Variants in FHIT observed in about 807,000 individuals in gnomAD.
FHIT encodes the protein fragile histidine triad diadenosine triphosphatase, also known as bis(5'-adenosyl)-triphosphatase.
In FHIT, 19 loss-of-function variants were observed where a neutral mutation model predicts 17.9. That is an observed-to-expected ratio of 1.06 (90% CI 0.74 to 1.56). The LOEUF is 1.56. FHIT is among the 40% of genes most tolerant of loss of function. FHIT has a pLI of 0.00. For missense variants in FHIT, 248 were observed against 189.2 expected, an observed-to-expected ratio of 1.31 and a Z score of -1.82; for synonymous variants, 81 against 69.7, an observed-to-expected ratio of 1.16 and a Z score of -0.81.
chr3:60,653,518 TGGAGG>T (rs150815680), intron 4 of FHIT, among the ~76,000 whole-genome samples: 111,112 of 151,046 alleles, frequency 0.74, 41,736 homozygotes, highest in East Asian at 0.88. Context: ...GAAACTGGAG[TGGAGG>T]GAATTATCAA....
rs1482360424 is a variant in FHIT, at chr3:61,214,644, C to T, written c.-212-13979G>A. On this transcript the variant is annotated intron_variant, in intron 1 of 9. Transcript: ENST00000492590. ...TCAATAGAAAAAGAGGGAATCCTCC[C>T]TAACTCATTTTATGAGGCCAGCATC... Among the ~76,000 whole-genome samples, 3 of 152,126 alleles carry T rather than the reference C, an allele frequency of 2.0e-5. No individual in the cohort carries two copies. The East Asian group carries it at 5.8e-4, about 29-fold the overall frequency.
chr3:60,657,413 A>G (rs782698941), intron 4 of FHIT, among the ~76,000 whole-genome samples: 1 of 152,176 alleles, frequency 6.6e-6, no homozygotes, highest in Admixed American at 6.5e-5. Context: ...GAGGTTGTCA[A>G]TGCTGCACTA....
chr3:60,889,665 T>C (rs547515945), intron 3 of FHIT, among the ~76,000 whole-genome samples: 4 of 152,260 alleles, frequency 2.6e-5, no homozygotes, highest in East Asian at 1.9e-4. Flanking sequence ...TAGTACCCTA[T>C]AGCTGTATGG....
intron 5 of FHIT, among the ~76,000 whole-genome samples, chr3:60,412,014 G>T (rs560584201): frequency 6.6e-6 from 1 of 152,020 alleles, no homozygotes; most frequent in East Asian, 1.9e-4. Flanking sequence ...GGGGTGGGGG[G>T]AAACATTTTT....
intron 5 of FHIT, among the ~76,000 whole-genome samples, chr3:60,486,393 A>G (rs1378134948): frequency 6.6e-6 from 1 of 152,188 alleles, no homozygotes; most frequent in Non-Finnish European, 1.5e-5. Flanking sequence ...ACTGATCATA[A>G]AAAGTCTGTA....
chr3:60,608,594 C>G (rs1160221940), intron 4 of FHIT, among the ~76,000 whole-genome samples: 3 of 151,530 alleles, frequency 2.0e-5, no homozygotes, highest in Non-Finnish European at 2.9e-5. Context: ...TTTTTCCCAC[C>G]AGGAAAAAAA....
chr3:60,118,156 G>A (rs1705065427), intron 5 of FHIT, among the ~76,000 whole-genome samples: 1 of 152,214 alleles, frequency 6.6e-6, no homozygotes, highest in South Asian at 2.1e-4. Flanking sequence ...GCCCAGGCTG[G>A]AGTGCAGTAG....
At chr3:61,243,937 T>C (rs9858841) in intron 1 of FHIT, 21,489 of 152,188 alleles carry the variant, frequency 0.14, 1,653 homozygotes, top group East Asian at 0.29. Context: ...TTTTCTTTCA[T>C]TCCCAAAGCC....
chr3:61,197,117 T>C (rs1204049031), intron 2 of FHIT, among the ~76,000 whole-genome samples: 1 of 152,166 alleles, frequency 6.6e-6, no homozygotes. Flanking sequence ...CTCAGCCTCC[T>C]AAAACAAGCC....
chr3:60,547,014 C>T (rs1222305018), intron 4 of FHIT, among the ~76,000 whole-genome samples: 1 of 152,004 alleles, frequency 6.6e-6, no homozygotes, highest in East Asian at 1.9e-4. Flanking sequence ...CTAAAAGGGA[C>T]AAAAGCATTA....
chr3:60,791,318 C>T (rs191894660), intron 4 of FHIT, among the ~76,000 whole-genome samples: 2 of 151,980 alleles, frequency 1.3e-5, no homozygotes, highest in Admixed American at 6.6e-5. Context: ...AAGTATCTTG[C>T]TACATAAATC....
At chr3:59,989,680 T>G (rs1464339397) in intron 7 of FHIT, among the ~76,000 whole-genome samples, 1 of 152,060 alleles carries the variant, frequency 6.6e-6, no homozygotes. Context: ...AACATCTGCA[T>G]TGAGTTGGGT....
chr3:60,537,558 CA>C (rs1208372318), intron 4 of FHIT: 2 of 615,002 alleles, frequency 3.3e-6, no homozygotes, highest in African/African-American at 4.0e-5. Flanking sequence ...AAGGAAGGAG[CA>C]AAACGGAGTT....
chr3:60,317,795 T>G (rs2106789447), intron 5 of FHIT, among the ~76,000 whole-genome samples: 1 of 150,454 alleles, frequency 6.6e-6, no homozygotes, highest in African/African-American at 2.4e-5. Context: ...CTTCTTTTTT[T>G]TTTTTTTTAT....
At chr3:60,034,862 C>T (rs1001932836) in intron 5 of FHIT, among the ~76,000 whole-genome samples, 1 of 152,188 alleles carries the variant, frequency 6.6e-6, no homozygotes, top group African/African-American at 2.4e-5. Context: ...TAAGATTTCA[C>T]TTTACCAGCC....
At chr3:60,750,950 G>T (rs1223432421) in intron 4 of FHIT, among the ~76,000 whole-genome samples, 2 of 152,164 alleles carry the variant, frequency 1.3e-5, no homozygotes, top group East Asian at 3.9e-4. Context: ...CACATCCCCT[G>T]ATTGCTCACT....
intron 3 of FHIT, among the ~76,000 whole-genome samples, chr3:60,946,694 AAAGG>A (rs2107441958): frequency 6.6e-6 from 1 of 152,270 alleles, no homozygotes; most frequent in East Asian, 1.9e-4. Context: ...GAGGAAGAGA[AAAGG>A]AACTGTCTAG....
chr3:60,977,396 C>A (rs1710306255), intron 3 of FHIT, among the ~76,000 whole-genome samples: 1 of 152,158 alleles, frequency 6.6e-6, no homozygotes, highest in African/African-American at 2.4e-5. Flanking sequence ...TATCATACTT[C>A]TGCTCAGCCA....
At chr3:60,451,180 T>C (rs1455870811) in intron 5 of FHIT, among the ~76,000 whole-genome samples, 1 of 152,072 alleles carries the variant, frequency 6.6e-6, no homozygotes, top group African/African-American at 2.4e-5. Context: ...AACCATTTTA[T>C]CAAATGGTTA....
Sources: gnomAD v4.1 joint callset for allele counts (sites outside exome capture counted in the v4.1 genomes callset) on GRCh38, gnomAD v4.1.1 for gene constraint, MANE v1.5 for transcripts, NCBI Gene and HGNC (gene_info 2026-07-23, HGNC 2026-07-21) for gene names.